The following EGFLAM variants were observed in gnomAD, a reference collection of about 807,000 sequenced individuals.
EGFLAM encodes the protein EGF like, fibronectin type III and laminin G domains, also known as pikachurin.
Under a neutral mutation model 113.1 loss-of-function variants are expected in EGFLAM, and 79 were observed. The ratio of observed to expected loss-of-function variants is 0.70; its 90% confidence interval spans 0.58 to 0.84. The LOEUF is 0.84. EGFLAM is among the 40% of genes least tolerant of loss of function. The pLI is 0.00. For synonymous variants in EGFLAM, 504 were observed against 487.6 expected, an observed-to-expected ratio of 1.03 and a Z score of -0.44; for missense variants, 1,265 against 1,291.6, an observed-to-expected ratio of 0.98 and a Z score of 0.32.
Position 38,265,189 on chromosome 5 carries a change from C to T in EGFLAM, c.97+6338C>T, listed in dbSNP as rs76996865. Among the ~76,000 whole-genome samples, 1,435 of 152,266 alleles carry T rather than the reference C, an allele frequency of 9.4e-3. 30 individuals carry two copies. Among genetic ancestry groups the T allele is most frequent in the African/African-American group, 0.032 (1,336 of 41,544 alleles). The stretch of plus-strand genomic sequence containing the variant: ...TACCCAGAGCCGAGGGCTTTAATAA[C>T]CTTAGCATTCTTTGGGGAATAGTAG... On this transcript the variant is annotated intron_variant, in intron 1 of 21. Coordinates refer to ENST00000322350, the MANE Select transcript of EGFLAM (RefSeq NM_152403.4).
intron 6 of EGFLAM, among the ~76,000 whole-genome samples, chr5:38,372,279 A>T (rs1740244872): frequency 6.6e-6 from 1 of 151,842 alleles, no homozygotes; most frequent in Non-Finnish European, 1.5e-5. Flanking sequence ...AGTAGCTGGT[A>T]TTGCAGGTGC....
intron 5 of EGFLAM, among the ~76,000 whole-genome samples, chr5:38,364,153 G>A (rs1740000407): frequency 2.0e-5 from 3 of 152,176 alleles, no homozygotes; most frequent in South Asian, 4.1e-4. Flanking sequence ...AAACATGTAT[G>A]TATGGAGTAT....
Position 38,418,226 on chromosome 5 carries a change from T to G in EGFLAM, c.1655T>G (p.Leu552Arg). Residue 552 changes from leucine to arginine, a missense_variant, in exon 12 of 22, where the codon CTG (leucine) becomes CGG (arginine). Transcript: ENST00000322350. The stretch of plus-strand genomic sequence containing the variant: ...AGAATTGACATGAGGCCCTGGCCCC[T>G]GGGAAAAGCACTCAGTGGGGCTGAT... ...GRRIDMRPWP[L>R]GKALSGADVG... 6.2e-7 allele frequency: 1 copy of G among 1,613,938 alleles called. No homozygotes were observed. The highest frequency in any genetic ancestry group is 1.1e-5 in the South Asian group (1 of 91,026).
At chr5:38,307,276 C>T (rs978617036) in intron 1 of EGFLAM, among the ~76,000 whole-genome samples, 5 of 152,200 alleles carry the variant, frequency 3.3e-5, no homozygotes, top group African/African-American at 1.2e-4. Context: ...TCTGTGTCCC[C>T]ACCCAAATCT....
At chr5:38,375,284 C>T (rs1012613925) in intron 6 of EGFLAM, among the ~76,000 whole-genome samples, 1 of 152,122 alleles carries the variant, frequency 6.6e-6, no homozygotes, top group African/African-American at 2.4e-5. Context: ...AGACCCAAAC[C>T]AAGACACAGA....
chr5:38,437,461 C>A (rs1038333024), intron 16 of EGFLAM, among the ~76,000 whole-genome samples: 1 of 152,176 alleles, frequency 6.6e-6, no homozygotes, highest in East Asian at 1.9e-4. Flanking sequence ...TGTTTGACTT[C>A]CGCCTCCGTA....
chr5:38,362,037 G>C (rs562705940), intron 5 of EGFLAM, among the ~76,000 whole-genome samples: 13 of 151,910 alleles, frequency 8.6e-5, no homozygotes, highest in Non-Finnish European at 1.8e-4. Flanking sequence ...CAATATCAGA[G>C]GCCACAACAG....
At chr5:38,425,459 G>T (rs1223205236) in intron 13 of EGFLAM, among the ~76,000 whole-genome samples, 1 of 152,122 alleles carries the variant, frequency 6.6e-6, no homozygotes, top group Non-Finnish European at 1.5e-5. Flanking sequence ...GAGCCACCAC[G>T]CCAGGCCTCA....
At chr5:38,269,492 CTT>C (rs372732442) in intron 1 of EGFLAM, among the ~76,000 whole-genome samples, 21 of 137,964 alleles carry the variant, frequency 1.5e-4, no homozygotes, top group Admixed American at 1.4e-4. Context: ...CTTTTCTTTT[CTT>C]TTTTTTTTTT....
chr5:38,449,398 G>A (rs920167338), intron 18 of EGFLAM, among the ~76,000 whole-genome samples: 1 of 152,166 alleles, frequency 6.6e-6, no homozygotes, highest in Admixed American at 6.5e-5. Context: ...ATTAATCTAC[G>A]TTGTCTTGGC....
intron 2 of EGFLAM, 22 bp downstream of exon 2, chr5:38,337,651 T>G (rs1361352024): frequency 6.4e-7 from 1 of 1,565,166 alleles, no homozygotes; most frequent in African/African-American, 1.4e-5. Context: ...GGCATGGGAG[T>G]TTCCTCGGTG....
chr5:38,459,216 G>A (rs1483284562), intron 20 of EGFLAM, among the ~76,000 whole-genome samples: 3 of 151,936 alleles, frequency 2.0e-5, no homozygotes, highest in Non-Finnish European at 4.4e-5. Flanking sequence ...TGTTGCCAGG[G>A]CTGGTCTCAA....
At chr5:38,341,282 G>T (rs1739329465) in intron 3 of EGFLAM, among the ~76,000 whole-genome samples, 1 of 152,210 alleles carries the variant, frequency 6.6e-6, no homozygotes, top group Non-Finnish European at 1.5e-5. Flanking sequence ...AGTTCTGCAT[G>T]GCTGGGGAGG....
chr5:38,305,103 A>C (rs1195033173), intron 1 of EGFLAM, among the ~76,000 whole-genome samples: 1 of 152,176 alleles, frequency 6.6e-6, no homozygotes, highest in East Asian at 1.9e-4. Context: ...AATAACAGGC[A>C]TTCTACAAAG....
chr5:38,445,328 C>T (rs1481867493), intron 17 of EGFLAM: 1 of 223,600 alleles, frequency 4.5e-6, no homozygotes, highest in Non-Finnish European at 7.5e-6. Context: ...GGAGCTGTTT[C>T]TCTAGATTTA....
chr5:38,279,998 C>T (rs189827083), intron 1 of EGFLAM, among the ~76,000 whole-genome samples: 1 of 151,902 alleles, frequency 6.6e-6, no homozygotes, highest in African/African-American at 2.4e-5. Context: ...TTTGATCTTT[C>T]AACTAACAAA....
chr5:38,306,691 T>C (rs934689880), intron 1 of EGFLAM, among the ~76,000 whole-genome samples: 1 of 152,224 alleles, frequency 6.6e-6, no homozygotes, highest in Non-Finnish European at 1.5e-5. Context: ...TTCCCCAATG[T>C]ATGATGCCTC....
chr5:38,299,671 G>A (rs1036206902), intron 1 of EGFLAM, among the ~76,000 whole-genome samples: 2 of 152,008 alleles, frequency 1.3e-5, no homozygotes, highest in African/African-American at 4.8e-5. Context: ...ATTTACCAGA[G>A]GTCATCTCAC....
chr5:38,283,416 G>A (rs62352428), intron 1 of EGFLAM, among the ~76,000 whole-genome samples: 25,874 of 152,094 alleles, frequency 0.17, 2,472 homozygotes, highest in Middle Eastern at 0.29. Flanking sequence ...AAGAATCCAC[G>A]TTTACATATA....
Sources: allele counts gnomAD v4.1 joint callset (sites outside exome capture counted in the v4.1 genomes callset), GRCh38; gene constraint gnomAD v4.1.1; transcripts MANE v1.5; gene names NCBI Gene and HGNC (gene_info 2026-07-23, HGNC 2026-07-21).